The following CWC22 variants were observed in gnomAD, a reference collection of about 807,000 sequenced individuals.
The protein encoded by CWC22 is CWC22 spliceosome associated protein.
CWC22 carries 53 observed loss-of-function variants against 117.2 expected under a neutral mutation model. The observed-to-expected ratio is 0.45, with a 90% CI of 0.36 to 0.57. The LOEUF (loss-of-function observed/expected upper bound fraction) is 0.57. CWC22 is among the 20% of genes least tolerant of loss of function. The probability of loss-of-function intolerance (pLI) is 0.00; values close to 1 mark genes in which losing one functional copy is unlikely to be tolerated. For missense variants in CWC22, 980 were observed against 1,068.8 expected (o/e 0.92, Z 1.16); for synonymous variants, 360 against 355.6 (o/e 1.01, Z -0.14).
At chr2:179,981,676 G>C (rs1687291239) in intron 5 of CWC22, 76 bp downstream of exon 5, 1 of 1,239,562 alleles carries the variant, frequency 8.1e-7, no homozygotes, top group African/African-American at 1.5e-5. Context: ...TCAAGAACCA[G>C]GGTTAATTAA....
chr2:179,998,080 A>G (rs1687753376), intron 1 of CWC22, among the ~76,000 whole-genome samples: 2 of 152,136 alleles, frequency 1.3e-5, no homozygotes, highest in South Asian at 4.1e-4. Flanking sequence ...TTGTTTTATG[A>G]AAGTATTCCC....
intron 16 of CWC22, among the ~76,000 whole-genome samples, chr2:179,952,817 A>C (rs984328495): frequency 6.6e-6 from 1 of 152,098 alleles, no homozygotes; most frequent in African/African-American, 2.4e-5. Flanking sequence ...AATAGATTTC[A>C]TTCTCTGTTT....
intron 1 of CWC22, among the ~76,000 whole-genome samples, chr2:180,001,128 A>G (rs1687836198): frequency 6.6e-6 from 1 of 152,182 alleles, no homozygotes; most frequent in African/African-American, 2.4e-5. Flanking sequence ...CTTGATTTAC[A>G]GTACAGTATT....
At chr2:179,955,122 A>C (rs1242527898) in intron 14 of CWC22, 88 bp from the exon 15 acceptor site, 1 of 933,140 alleles carries the variant, frequency 1.1e-6, no homozygotes, top group African/African-American at 1.7e-5. Flanking sequence ...GACTGCCTGC[A>C]TTTTTAAATA....
At chr2:179,977,187 T>G (rs12693217) in intron 6 of CWC22, among the ~76,000 whole-genome samples, 137,728 of 152,098 alleles carry the variant, frequency 0.91, 62,436 homozygotes, top group East Asian at 1. Context: ...AATTTTTTTT[T>G]ATTGTAACTA....
rs1378439905 is a variant in CWC22 at position 179,959,007 on chromosome 2, A to G, written c.1458+15T>C. The G allele has an allele frequency of 1.3e-6, 2 of 1,500,312 alleles. No individual in the cohort carries two copies. Among genetic ancestry groups the G allele is most frequent in the Non-Finnish European group, 1.8e-6 (2 of 1,098,974 alleles). The allele number at this position is 1,500,312 out of a possible 1,614,324, so 92.9% of individuals were successfully genotyped here. On this transcript the variant is annotated intron_variant, in intron 14 of 19. Coordinates refer to ENST00000410053, the MANE Select transcript of CWC22 (RefSeq NM_020943.3). ...CCAATATATACATTTCCTAATAGAA[A>G]AAGTATTAACATACTGTTTGGCTTT...
At chr2:179,999,121 T>C (rs549769871) in intron 1 of CWC22, among the ~76,000 whole-genome samples, 1 of 152,324 alleles carries the variant, frequency 6.6e-6, no homozygotes, top group South Asian at 2.1e-4. Flanking sequence ...AGTAGACTGC[T>C]ATCATAGTTC....
chr2:179,958,142 T>A (rs1686645781), intron 14 of CWC22, among the ~76,000 whole-genome samples: 1 of 151,732 alleles, frequency 6.6e-6, no homozygotes. Flanking sequence ...ACTAGCCTGG[T>A]CAACATGGTG....
intron 1 of CWC22, among the ~76,000 whole-genome samples, chr2:180,006,490 G>A (rs982166979): frequency 1.3e-5 from 2 of 152,164 alleles, no homozygotes; most frequent in Admixed American, 1.3e-4. Context: ...GAAGCGAAGT[G>A]TCTTCAAGAC....
intron 14 of CWC22, 118 bp from the exon 15 acceptor site, chr2:179,955,152 A>G: frequency 1.4e-6 from 1 of 699,756 alleles, no homozygotes; most frequent in Middle Eastern, 4.0e-4. Flanking sequence ...AACAGTTCAA[A>G]AATTTTGTAA....
At chr2:179,946,539 T>C (rs192141753) in intron 19 of CWC22, among the ~76,000 whole-genome samples, 6 of 151,892 alleles carry the variant, frequency 4.0e-5, no homozygotes, top group African/African-American at 1.4e-4. Context: ...AAGTACTGTT[T>C]TGATCTCGAG....
At chr2:179,988,250 T>G (rs1433887876) in intron 3 of CWC22, among the ~76,000 whole-genome samples, 1 of 152,228 alleles carries the variant, frequency 6.6e-6, no homozygotes, top group East Asian at 1.9e-4. Flanking sequence ...ATGTAAGAGA[T>G]AATACTAACA....
intron 4 of CWC22, among the ~76,000 whole-genome samples, chr2:179,986,091 A>T (rs1259143649): frequency 1.3e-5 from 2 of 152,054 alleles, no homozygotes; most frequent in African/African-American, 4.8e-5. Flanking sequence ...CTCTCATTCC[A>T]ATGTTTCTTA....
chr2:179,960,399 T>A (rs572815278), intron 13 of CWC22, among the ~76,000 whole-genome samples: 36 of 152,058 alleles, frequency 2.4e-4, no homozygotes, highest in African/African-American at 7.5e-4. Context: ...AAAGCTTAGA[T>A]AAAACAACAG....
At chr2:179,953,099 A>G (rs753385872) in intron 16 of CWC22, among the ~76,000 whole-genome samples, 1 of 152,116 alleles carries the variant, frequency 6.6e-6, no homozygotes, top group Non-Finnish European at 1.5e-5. Context: ...AATAAAAATA[A>G]AAGTAACCTC....
intron 14 of CWC22, among the ~76,000 whole-genome samples, chr2:179,955,777 T>G (rs73975732): frequency 0.022 from 3,305 of 152,166 alleles, 114 homozygotes; most frequent in African/African-American, 0.074. Flanking sequence ...AGATGATTTC[T>G]ACTTAACAAA....
intron 13 of CWC22, among the ~76,000 whole-genome samples, chr2:179,963,429 G>A (rs1214508749): frequency 1.7e-5 from 2 of 120,932 alleles, no homozygotes; most frequent in Admixed American, 1.2e-4. Flanking sequence ...TGCAAGCTCC[G>A]CCTCCCAGGT....
chr2:179,958,620 A>G (rs537231596), intron 14 of CWC22, among the ~76,000 whole-genome samples: 1 of 151,980 alleles, frequency 6.6e-6, no homozygotes, highest in African/African-American at 2.4e-5. Flanking sequence ...GCCCAAGACA[A>G]TTTTTCTTCC....
At chr2:179,991,163 G>C (rs1687558027) in intron 2 of CWC22, among the ~76,000 whole-genome samples, 1 of 152,140 alleles carries the variant, frequency 6.6e-6, no homozygotes, top group African/African-American at 2.4e-5. Flanking sequence ...TGTAGGGAGA[G>C]CAGTACGAGG....
Sources: allele counts gnomAD v4.1 joint callset (sites outside exome capture counted in the v4.1 genomes callset), GRCh38; gene constraint gnomAD v4.1.1; transcripts MANE v1.5; gene names NCBI Gene and HGNC (gene_info 2026-07-23, HGNC 2026-07-21).